Variants in FAT1 observed in about 807,000 individuals in gnomAD.
FAT1 encodes the protein protocadherin Fat 1.
A neutral mutation model predicts 329.8 loss-of-function variants in FAT1; 171 were observed. The ratio of observed to expected loss-of-function variants is 0.52; its 90% CI spans 0.46 to 0.59. FAT1 has a LOEUF of 0.59. Among genes scored for constraint, FAT1 ranks in the 20% least tolerant of loss-of-function variants. The pLI is 0.00. For synonymous variants in FAT1, 2,233 were observed against 2,228.6 expected (o/e 1.00, Z -0.06); for missense variants, 5,672 against 5,774.4 (o/e 0.98, Z 0.57).
Position 186,663,608 on chromosome 4 carries a change from T to C in FAT1, c.3271A>G (p.Ile1091Val). The change falls in exon 3 of 27, where the codon ATA becomes GTA. Residue 1091 changes from isoleucine (I) to valine (V), a missense_variant. Transcript: ENST00000441802. ...VFKIGEETGV[I>V]ETSDRLDRES... ...CGGTCCAGTCGATCTGACGTCTCTA[T>C]GACACCTACAGAGAAAAAAGAAAAG... The C allele has an allele frequency of 6.3e-7, 1 of 1,599,744 alleles. No homozygotes were observed. The highest frequency in any genetic ancestry group is 8.5e-7 in the Non-Finnish European group (1 of 1,175,720).
rs745587464 is a variant in FAT1 at position 186,619,935 on chromosome 4, G to A, written c.6651C>T (p.Ser2217=). Residue 2217 remains serine (S), a synonymous_variant, in exon 10 of 27, where the codon AGC becomes AGT. Transcript: ENST00000441802. ...NSPEGLKVFY[S]ITDGDPFSQF... is the part of the protein sequence containing the mutation. ...GGCTGAAAGGGTCTCCGTCTGTGATGCTGTAGAACACTTTCAGGCCTTCCG... is the reference window on the plus strand; with the variant it reads ...GGCTGAAAGGGTCTCCGTCTGTGATACTGTAGAACACTTTCAGGCCTTCCG... The A allele has an allele frequency of 6.1e-5, 98 of 1,613,884 alleles. No individual in the cohort carries two copies. The highest frequency in any genetic ancestry group is 8.2e-5 in the Non-Finnish European group (97 of 1,179,900).
At position 186,613,946 on chromosome 4, in the gene FAT1, C is replaced by T. The variant is rs369635464; in HGVS notation, c.9229+245G>A. 7.9e-5 allele frequency among the ~76,000 whole-genome samples: 12 copies of T among 152,062 alleles called. 1 individual carries two copies. The highest frequency in any genetic ancestry group is 2.4e-4 in the African/African-American group (10 of 41,458). The stretch of plus-strand genomic sequence containing the variant: ...GTTTTTTTTAAACAAGTGGTATAAA[C>T]GCCTTCTAAATTTTAAATCCTTTTT... On this transcript the variant is annotated intron_variant, in intron 12 of 26. Coordinates refer to ENST00000441802, the MANE Select transcript of FAT1 (RefSeq NM_005245.4).
chr4:186,604,078 C>T (rs765762656), intron 18 of FAT1, 101 bp from the exon 19 acceptor site: 151 of 855,652 alleles, frequency 1.8e-4, no homozygotes, highest in Non-Finnish European at 2.5e-4. Flanking sequence ...AAATTACTAA[C>T]TGGTAGATAC....
At chr4:186,696,821 C>T (rs1002210806) in intron 2 of FAT1, among the ~76,000 whole-genome samples, 2 of 152,090 alleles carry the variant, frequency 1.3e-5, no homozygotes, top group Non-Finnish European at 2.9e-5. Flanking sequence ...ATCAGGAGTT[C>T]GAGACCAGCC....
chr4:186,635,856 T>TTGCAA (rs1740793806), intron 6 of FAT1, among the ~76,000 whole-genome samples, 169 bp downstream of exon 6: 3 of 152,228 alleles, frequency 2.0e-5, no homozygotes, highest in African/African-American at 4.8e-5. Flanking sequence ...ATATGCTATA[T>TTGCAA]ATTGTGAAAA....
In FAT1 at chr4:186,619,495, T is replaced by C. The variant is rs2126506139; in HGVS notation, c.7091A>G (p.Asp2364Gly). 3.7e-6 allele frequency: 6 copies of C among 1,613,948 alleles called. No individual in the cohort carries two copies. Among genetic ancestry groups the C allele is most frequent in the Admixed American group, 1.7e-5 (1 of 60,028 alleles). Residue 2364 changes from aspartate to glycine, a missense_variant, in exon 10 of 27, where the codon GAT (aspartate) becomes GGT (glycine). By Grantham distance (94) the Asp-to-Gly change is moderately conservative. Transcript: ENST00000441802. ...ACTGCTCAGCGTGGGCATACCACCA[T>C]CAACTGCCCTCACAAAAATCGTGTG... ...RQHTIFVRAV[D>G]GGMPTLSSDV...
rs139621263 is a variant in FAT1 at position 186,615,697 on chromosome 4, T to C, written c.9075+1308A>G. On this transcript the variant is annotated intron_variant, in intron 11 of 26. Transcript: ENST00000441802. ...AAAGTCCTCTTCTCCCCAACCCAGG[T>C]TGGCACTGCACTGGTGTCCTCCTCT... Among the ~76,000 whole-genome samples, 172 of 152,288 alleles carry C rather than the reference T, an allele frequency of 1.1e-3. 1 individual carries two copies. The highest frequency in any genetic ancestry group is 3.9e-3 in the African/African-American group (163 of 41,564).
At chr4:186,637,933 T>G (rs1003969419) in intron 4 of FAT1, among the ~76,000 whole-genome samples, 14 of 152,224 alleles carry the variant, frequency 9.2e-5, no homozygotes, top group African/African-American at 3.4e-4. Flanking sequence ...ACATTACTAT[T>G]TTAATTTTAA....
At position 186,622,575 on chromosome 4, in the gene FAT1, A is replaced by G. The variant is rs1740096361; in HGVS notation, c.4811-800T>C. 2.0e-5 allele frequency among the ~76,000 whole-genome samples: 3 copies of G among 152,236 alleles called. No homozygotes were observed. In the South Asian group the frequency reaches 6.2e-4, roughly 31 times the overall value. On this transcript the variant is annotated intron_variant, in intron 9 of 26. Coordinates refer to ENST00000441802, the MANE Select transcript of FAT1 (RefSeq NM_005245.4). ...AGTGCTGAAGCTGAGAGGCTGCTCAAAGATAGAGTGTTTTACCTCCTTTTC... is the reference window on the plus strand; with the variant it reads ...AGTGCTGAAGCTGAGAGGCTGCTCAGAGATAGAGTGTTTTACCTCCTTTTC...
rs1181443613 is a variant in FAT1, at chr4:186,618,283, T to C, written c.8303A>G (p.His2768Arg). The C allele has an allele frequency of 2.5e-6, 4 of 1,614,072 alleles. No homozygotes were observed. The East Asian group carries it at 6.7e-5, about 27-fold the overall frequency. ...AAACTGATACCACTTAGTTGTCTCATGATCAAGACTCTTCTCCAACTTCAG... is the reference window on the plus strand; with the variant it reads ...AAACTGATACCACTTAGTTGTCTCACGATCAAGACTCTTCTCCAACTTCAG... Reference protein sequence around the residue: ...GRLKLEKSLDHETTKWYQFSI... With the variant: ...GRLKLEKSLDRETTKWYQFSI... The change falls in exon 10 of 27, where the codon CAT becomes CGT. Residue 2768 changes from histidine to arginine, a missense_variant. His to Arg is a conservative substitution (Grantham distance 29, BLOSUM62 0). This residue lies in a region of FAT1 where 3,966 missense variants were observed against 3,915.2 expected (regional missense o/e 1.01). Coordinates refer to ENST00000441802, the MANE Select transcript of FAT1 (RefSeq NM_005245.4).
chr4:186,649,625 G>A (rs896193915), intron 3 of FAT1, among the ~76,000 whole-genome samples: 11 of 152,146 alleles, frequency 7.2e-5, no homozygotes, highest in Non-Finnish European at 1.6e-4. Flanking sequence ...CAAGCCAGCA[G>A]GTTCCTGGAG....
intron 3 of FAT1, among the ~76,000 whole-genome samples, chr4:186,640,816 C>T (rs11132404): frequency 0.23 from 35,699 of 151,994 alleles, 4,913 homozygotes; most frequent in East Asian, 0.58. Flanking sequence ...ACAAACAAAA[C>T]TCCCCTAAGC....
intron 26 of FAT1, among the ~76,000 whole-genome samples, chr4:186,591,399 C>T (rs1419468138): frequency 6.6e-6 from 1 of 152,108 alleles, no homozygotes; most frequent in African/African-American, 2.4e-5. Flanking sequence ...ATGAATACGC[C>T]GGCATTTAGG....
At position 186,631,167 on chromosome 4, in the gene FAT1, T is replaced by C. The variant is rs188611117; in HGVS notation, c.4324-2404A>G. 2.1e-3 allele frequency among the ~76,000 whole-genome samples: 326 copies of C among 152,288 alleles called. 1 individual carries two copies. Among genetic ancestry groups the C allele is most frequent in the Non-Finnish European group, 3.3e-3 (223 of 68,022 alleles). On this transcript the variant is annotated intron_variant, in intron 7 of 26. Transcript: ENST00000441802. ...ACACAATGGCTGCTCTGTTGACTTCTGAGTGTTACTTCCAAGCCCCAATCC... is the reference window on the plus strand; with the variant it reads ...ACACAATGGCTGCTCTGTTGACTTCCGAGTGTTACTTCCAAGCCCCAATCC...
intron 2 of FAT1, among the ~76,000 whole-genome samples, chr4:186,703,074 T>C (rs766406165): frequency 1.3e-5 from 2 of 152,128 alleles, no homozygotes; most frequent in Non-Finnish European, 2.9e-5. Context: ...AGACCTCACA[T>C]GGAAGGGCAG....
intron 7 of FAT1, among the ~76,000 whole-genome samples, chr4:186,629,111 T>C (rs182261544): frequency 6.6e-6 from 1 of 152,260 alleles, no homozygotes; most frequent in East Asian, 1.9e-4. Flanking sequence ...GATAACAATT[T>C]ACCAGGATTT....
intron 2 of FAT1, among the ~76,000 whole-genome samples, chr4:186,683,196 G>C (rs1743306063): frequency 6.6e-6 from 1 of 152,186 alleles, no homozygotes; most frequent in African/African-American, 2.4e-5. Flanking sequence ...AGGAGGCCAT[G>C]CACACCCTGC....
Position 186,671,316 on chromosome 4 carries a change from AT to A in FAT1, c.3266-7704del, listed in dbSNP as rs374931694. On this transcript the variant is annotated intron_variant, in intron 2 of 26. Transcript: ENST00000441802. ...TAATTTACTGTAAAATAATAAAAAA[AT>A]ATTACTTGTTTTGCCTATTATATAC... Among the ~76,000 whole-genome samples the A allele has an allele frequency of 8.5e-4, 130 of 152,336 alleles. No individual in the cohort carries two copies. The Middle Eastern group carries it at 0.014, about 16-fold the overall frequency.
intron 2 of FAT1, among the ~76,000 whole-genome samples, chr4:186,666,883 A>C (rs772479807): frequency 6.6e-6 from 1 of 152,226 alleles, no homozygotes; most frequent in Non-Finnish European, 1.5e-5. Context: ...TGAATGGCAG[A>C]GCTGGAGTGT....
Sources: allele counts gnomAD v4.1 joint callset (sites outside exome capture counted in the v4.1 genomes callset), GRCh38; gene constraint gnomAD v4.1.1; regional missense constraint gnomAD v4.1.1; transcripts MANE v1.5; gene names NCBI Gene and HGNC (gene_info 2026-07-23, HGNC 2026-07-21).